Variants in ACAP2 observed in about 807,000 individuals in gnomAD.
ACAP2 encodes the protein arf-GAP with coiled-coil, ANK repeat and PH domain-containing protein 2.
Under a neutral mutation model 115.8 loss-of-function variants are expected in ACAP2, and 39 were observed. The observed-to-expected ratio is 0.34, with a 90% CI of 0.26 to 0.44. ACAP2 has a LOEUF of 0.44. Ranked by LOEUF, ACAP2 falls within the 20% of genes least tolerant of loss-of-function variation. The probability of loss-of-function intolerance (pLI) is 1.00; values close to 1 mark genes in which losing one functional copy is unlikely to be tolerated. For missense variants in ACAP2, 662 were observed against 927.6 expected (o/e 0.71, Z 3.72); for synonymous variants, 289 against 315.8 (o/e 0.92, Z 0.90).
At chr3:195,440,718 T>C (rs1196718917) in intron 1 of ACAP2, among the ~76,000 whole-genome samples, 1 of 152,256 alleles carries the variant, frequency 6.6e-6, no homozygotes, top group East Asian at 1.9e-4. Context: ...TTTCAAATGC[T>C]ATACAGATCC....
intron 1 of ACAP2, among the ~76,000 whole-genome samples, chr3:195,397,203 AGGTGCCTATAT>A (rs1472285866): frequency 1.6e-4 from 24 of 152,200 alleles, no homozygotes; most frequent in Admixed American, 3.3e-4. Context: ...GACTCAGGAG[AGGTGCCTATAT>A]GTATGTGTCC....
Position 195,276,922 on chromosome 3 carries a change from G to T in ACAP2, c.*2406C>A, listed in dbSNP as rs1342582323. The T allele has an allele frequency of 6.6e-6, 1 of 152,192 alleles. No individual in the cohort carries two copies. Among genetic ancestry groups the T allele is most frequent in the African/African-American group, 2.4e-5 (1 of 41,460 alleles). 9.4% of individuals were successfully genotyped at this position (152,192 alleles called of 1,614,324 possible). A position where few individuals can be genotyped will look rare whatever the true frequency, so the allele number is the denominator to read the frequency against. Reference sequence around the variant, plus strand: ...TTGCTAGGCTCCCTGCAATATTAAAGATTTTGCTTTCTCTGAAGATATTCT... The same window carrying T: ...TTGCTAGGCTCCCTGCAATATTAAATATTTTGCTTTCTCTGAAGATATTCT... On this transcript the variant is annotated 3_prime_UTR_variant, in exon 23 of 23. Transcript: ENST00000326793.
chr3:195,336,806 G>A, intron 7 of ACAP2, 126 bp downstream of exon 7: 1 of 773,680 alleles, frequency 1.3e-6, no homozygotes, highest in Non-Finnish European at 2.1e-6. Flanking sequence ...AAACACAAAT[G>A]AAGATCAAAA....
At chr3:195,377,251 C>CCTCA in intron 4 of ACAP2, among the ~76,000 whole-genome samples, 1 of 147,556 alleles carries the variant, frequency 6.8e-6, no homozygotes, top group East Asian at 2.0e-4. Flanking sequence ...CTCAAGTGAT[C>CCTCA]CTCACACTTC....
chr3:195,399,481 G>C (rs1472796535), intron 1 of ACAP2, among the ~76,000 whole-genome samples: 7 of 151,924 alleles, frequency 4.6e-5, no homozygotes, highest in African/African-American at 1.7e-4. Flanking sequence ...ATAACACTTG[G>C]CCAGAAAAAA....
intron 15 of ACAP2, among the ~76,000 whole-genome samples, chr3:195,298,498 T>A (rs2108951642): frequency 6.6e-6 from 1 of 152,184 alleles, no homozygotes; most frequent in South Asian, 2.1e-4. Context: ...TCAAGGATGA[T>A]CTGCCCACCT....
intron 1 of ACAP2, among the ~76,000 whole-genome samples, chr3:195,394,541 C>T (rs1019946153): frequency 5.3e-5 from 8 of 152,334 alleles, no homozygotes; most frequent in East Asian, 1.9e-4. Flanking sequence ...AGCAGCAAGG[C>T]ACAGTGGCTC....
chr3:195,346,864 A>C (rs1731219075), intron 4 of ACAP2, among the ~76,000 whole-genome samples: 1 of 152,226 alleles, frequency 6.6e-6, no homozygotes, highest in African/African-American at 2.4e-5. Flanking sequence ...ACACAGGTGA[A>C]TCTCAATGCA....
chr3:195,364,592 A>C (rs1230149754), intron 4 of ACAP2, among the ~76,000 whole-genome samples: 1 of 152,112 alleles, frequency 6.6e-6, no homozygotes, highest in African/African-American at 2.4e-5. Context: ...TAAATAAATA[A>C]AATAAAGGTT....
At chr3:195,318,131 C>T (rs1729214303) in intron 10 of ACAP2, among the ~76,000 whole-genome samples, 1 of 152,146 alleles carries the variant, frequency 6.6e-6, no homozygotes, top group South Asian at 2.1e-4. Context: ...GCCTGCTTCC[C>T]CTTCTGCCAT....
At chr3:195,360,885 C>A (rs923759408) in intron 4 of ACAP2, among the ~76,000 whole-genome samples, 5 of 149,370 alleles carry the variant, frequency 3.3e-5, no homozygotes, top group Admixed American at 6.7e-5. Context: ...AAGAACATTT[C>A]ATTGAGGGGG....
At chr3:195,347,489 T>C (rs911658017) in intron 4 of ACAP2, among the ~76,000 whole-genome samples, 8 of 152,164 alleles carry the variant, frequency 5.3e-5, no homozygotes, top group African/African-American at 1.9e-4. Flanking sequence ...TATGAAGTTA[T>C]AGAAAAAGCA....
At chr3:195,402,062 TCAAA>T (rs753172312) in intron 1 of ACAP2, among the ~76,000 whole-genome samples, 34 of 152,218 alleles carry the variant, frequency 2.2e-4, no homozygotes, top group South Asian at 1.7e-3. Context: ...TCTGCACACT[TCAAA>T]CAGAGCGCCT....
intron 1 of ACAP2, among the ~76,000 whole-genome samples, chr3:195,439,073 GA>G (rs1408882991): frequency 6.9e-6 from 1 of 145,516 alleles, no homozygotes; most frequent in Admixed American, 6.9e-5. Flanking sequence ...AAAAAAAAAA[GA>G]ATCATATCTG....
chr3:195,297,399 T>C (rs1373860937), intron 15 of ACAP2, 118 bp from the exon 16 acceptor site: 12 of 705,898 alleles, frequency 1.7e-5, no homozygotes, highest in Non-Finnish European at 2.0e-5. Flanking sequence ...ATTCTGCAGA[T>C]GCTTATTCTA....
intron 22 of ACAP2, chr3:195,279,646 C>T: frequency 2.8e-6 from 1 of 351,748 alleles, no homozygotes; most frequent in East Asian, 4.9e-5. Context: ...TCAGATGCAG[C>T]CACAGAAGAA....
rs1728485421 is a variant in ACAP2, at chr3:195,307,290, G to C, written c.943C>G (p.Leu315Val). 6.2e-7 allele frequency: 1 copy of C among 1,613,114 alleles called. No individual in the cohort carries two copies. The highest frequency in any genetic ancestry group is 8.5e-7 in the Non-Finnish European group (1 of 1,179,414). The change falls in exon 12 of 23, where the codon CTT becomes GTT. Residue 315 changes from leucine (L) to valine (V), a missense_variant. Physicochemically the swap from Leu to Val is conservative, Grantham distance 32. Around this residue, in one of 3 missense-constraint regions of ACAP2, gnomAD observed 401 missense variants for 604.4 expected, o/e 0.66. Coordinates refer to ENST00000326793, the MANE Select transcript of ACAP2 (RefSeq NM_012287.6). ...TCTTCACAATGTTTCACTGTGCAAAGCCTGAGGTCTTCAACTACCACAGTC... is the reference window on the plus strand; with the variant it reads ...TCTTCACAATGTTTCACTGTGCAAACCCTGAGGTCTTCAACTACCACAGTC... Reference protein sequence around the residue: ...NPTVVVEDLRLCTVKHCEDIE... With the variant: ...NPTVVVEDLRVCTVKHCEDIE...
intron 1 of ACAP2, among the ~76,000 whole-genome samples, chr3:195,434,312 A>T (rs112558341): frequency 6.6e-6 from 1 of 152,112 alleles, no homozygotes; most frequent in Non-Finnish European, 1.5e-5. Flanking sequence ...AGCTCACTGT[A>T]GCCTCAACAT....
chr3:195,383,845 C>T (rs1460686427), intron 2 of ACAP2, among the ~76,000 whole-genome samples: 16 of 151,584 alleles, frequency 1.1e-4, no homozygotes, highest in Non-Finnish European at 2.2e-4. Context: ...TAATTACCCC[C>T]CAAAAAAGAG....
Sources: gnomAD v4.1 joint callset for allele counts (sites outside exome capture counted in the v4.1 genomes callset) on GRCh38, gnomAD v4.1.1 for gene constraint, gnomAD v4.1.1 regional missense constraint, MANE v1.5 for transcripts, NCBI Gene and HGNC (gene_info 2026-07-23, HGNC 2026-07-21) for gene names.